Variants in ASB3 observed in about 807,000 individuals in gnomAD.
ASB3 encodes ankyrin repeat and SOCS box protein 3.
ASB3 carries 41 observed loss-of-function variants against 54.5 expected under a neutral mutation model. The observed-to-expected ratio is 0.75, with a 90% CI of 0.59 to 0.98. ASB3 has a LOEUF of 0.98. Among genes scored for constraint, ASB3 ranks in the 50% least tolerant of loss-of-function variants. The pLI is 0.00. For missense variants in ASB3, 733 were observed against 620.0 expected, an observed-to-expected ratio of 1.18 and a Z score of -1.94; for synonymous variants, 266 against 221.2, an observed-to-expected ratio of 1.20 and a Z score of -1.80.
At chr2:53,690,658 T>C (rs974701250) in intron 9 of ASB3, among the ~76,000 whole-genome samples, 5 of 152,264 alleles carry the variant, frequency 3.3e-5, no homozygotes, top group African/African-American at 1.2e-4. Flanking sequence ...CAAATTCCCA[T>C]TGCTACGCTT....
chr2:53,746,418 T>G (rs2103987777), intron 3 of ASB3, among the ~76,000 whole-genome samples: 1 of 152,208 alleles, frequency 6.6e-6, no homozygotes, highest in Admixed American at 6.5e-5. Flanking sequence ...CATTCCTATT[T>G]TTTCCATACA....
At chr2:53,746,955 T>C (rs181491811) in intron 3 of ASB3, among the ~76,000 whole-genome samples, 2 of 152,288 alleles carry the variant, frequency 1.3e-5, no homozygotes, top group Admixed American at 1.3e-4. Flanking sequence ...TAAATCCTAC[T>C]ACTAAAAATA....
At position 53,714,368 on chromosome 2, in the gene ASB3, T is replaced by G; in HGVS notation, c.980+16A>C. ...CAAAAAAGAATAAAAAATAAAAACA[T>G]AGCAAATATACATACTCCTTTTGGA... On this transcript the variant is annotated intron_variant, in intron 7 of 9. Coordinates refer to ENST00000263634, the MANE Select transcript of ASB3 (RefSeq NM_016115.5). The G allele has an allele frequency of 2.5e-6, 4 of 1,608,812 alleles. No homozygotes were observed. The highest frequency in any genetic ancestry group is 1.1e-5 in the South Asian group (1 of 89,876).
At chr2:53,766,829 ATTTCT>A (rs1673494450) in intron 1 of ASB3, among the ~76,000 whole-genome samples, 1 of 152,040 alleles carries the variant, frequency 6.6e-6, no homozygotes, top group African/African-American at 2.4e-5. Flanking sequence ...CTTCCTGCTG[ATTTCT>A]TTATAAGAAA....
intron 1 of ASB3, among the ~76,000 whole-genome samples, chr2:53,768,804 T>C (rs1484888225): frequency 6.6e-6 from 1 of 152,250 alleles, no homozygotes; most frequent in Admixed American, 6.5e-5. Flanking sequence ...TAGCAGCAGC[T>C]CACTGCTTAT....
chr2:53,745,472 T>C (rs1328971084), intron 3 of ASB3, among the ~76,000 whole-genome samples: 3 of 152,302 alleles, frequency 2.0e-5, no homozygotes, highest in African/African-American at 7.2e-5. Flanking sequence ...AAAATGTTGG[T>C]GAGCTCTGTG....
chr2:53,772,889 C>A (rs1427781883), intron 1 of ASB3, among the ~76,000 whole-genome samples: 1 of 152,062 alleles, frequency 6.6e-6, no homozygotes, highest in African/African-American at 2.4e-5. Context: ...CCCGTAGACC[C>A]CAGTAGAACC....
At chr2:53,762,137 G>C (rs771879522) in intron 2 of ASB3, among the ~76,000 whole-genome samples, 53 of 152,148 alleles carry the variant, frequency 3.5e-4, no homozygotes, top group Non-Finnish European at 5.9e-4. Context: ...TAGCAACGCA[G>C]ACAAGGTATT....
At chr2:53,753,754 A>C (rs1672662081) in intron 2 of ASB3, among the ~76,000 whole-genome samples, 1 of 151,432 alleles carries the variant, frequency 6.6e-6, no homozygotes, top group Non-Finnish European at 1.5e-5. Flanking sequence ...CTCCTGCTTC[A>C]GCCTCCCGAG....
At chr2:53,698,429 T>C (rs1669304606) in intron 8 of ASB3, among the ~76,000 whole-genome samples, 1 of 152,120 alleles carries the variant, frequency 6.6e-6, no homozygotes, top group South Asian at 2.1e-4. Context: ...TTTCCAAAAT[T>C]TTCTACTCTT....
At chr2:53,757,927 G>C (rs770147721) in intron 2 of ASB3, among the ~76,000 whole-genome samples, 6 of 152,140 alleles carry the variant, frequency 3.9e-5, no homozygotes, top group Non-Finnish European at 7.3e-5. Context: ...TCATGACCCA[G>C]TACTTTAACA....
intron 9 of ASB3, among the ~76,000 whole-genome samples, chr2:53,680,666 AATC>A (rs1369169182): frequency 6.6e-6 from 1 of 152,196 alleles, no homozygotes; most frequent in African/African-American, 2.4e-5. Flanking sequence ...AATGCATAAT[AATC>A]ATATCAGGGT....
chr2:53,697,651 G>A (rs1417004556), intron 8 of ASB3, among the ~76,000 whole-genome samples: 1 of 152,166 alleles, frequency 6.6e-6, no homozygotes, highest in African/African-American at 2.4e-5. Flanking sequence ...GGTGGGACAG[G>A]CATAAGACAA....
chr2:53,769,474 T>C (rs1401726766), intron 1 of ASB3, among the ~76,000 whole-genome samples: 1 of 152,216 alleles, frequency 6.6e-6, no homozygotes, highest in African/African-American at 2.4e-5. Flanking sequence ...ACAAAACACA[T>C]TGAGATATGT....
At chr2:53,766,460 A>T (rs1007545694) in intron 1 of ASB3, among the ~76,000 whole-genome samples, 1 of 152,242 alleles carries the variant, frequency 6.6e-6, no homozygotes, top group Non-Finnish European at 1.5e-5. Flanking sequence ...CATCACAGTT[A>T]TTAGGAGAAT....
intron 2 of ASB3, among the ~76,000 whole-genome samples, chr2:53,757,282 T>C (rs1672886128): frequency 6.6e-6 from 1 of 152,242 alleles, no homozygotes; most frequent in African/African-American, 2.4e-5. Flanking sequence ...AAGGGCTTTC[T>C]AACAACGTCC....
chr2:53,774,322 T>C (rs772004181), intron 1 of ASB3: 1 of 1,613,654 alleles, frequency 6.2e-7, no homozygotes, highest in Non-Finnish European at 8.5e-7. Context: ...TAATCCTGAT[T>C]ATCTTGGTCC....
chr2:53,710,193 C>T (rs1174850474), intron 7 of ASB3, among the ~76,000 whole-genome samples: 1 of 152,254 alleles, frequency 6.6e-6, no homozygotes, highest in South Asian at 2.1e-4. Context: ...CCACGCCAGT[C>T]TGCACGCTCC....
At position 53,782,791 on chromosome 2, in the gene ASB3, A is replaced by AT. The variant is rs528574294; in HGVS notation, c.-14+4029dup. 5.7e-4 allele frequency among the ~76,000 whole-genome samples: 83 copies of AT among 146,524 alleles called. No individual in the cohort carries two copies. The South Asian group carries it at 7.8e-3, about 14-fold the overall frequency. ...TGCTCACTTACAAAAGAGCTCAATAATTTTTTTTTTTTTAGATGAAGTTTC... is the reference window on the plus strand; with the variant it reads ...TGCTCACTTACAAAAGAGCTCAATAATTTTTTTTTTTTTTAGATGAAGTTTC... On this transcript the variant is annotated intron_variant, in intron 1 of 9. Coordinates refer to ENST00000263634, the MANE Select transcript of ASB3 (RefSeq NM_016115.5).
Sources: gnomAD v4.1 joint callset for allele counts (sites outside exome capture counted in the v4.1 genomes callset) on GRCh38, gnomAD v4.1.1 for gene constraint, MANE v1.5 for transcripts, NCBI Gene and HGNC (gene_info 2026-07-23, HGNC 2026-07-21) for gene names.